Variants in PRKAR2A observed in about 807,000 individuals in gnomAD.
PRKAR2A encodes the protein protein kinase cAMP-dependent type II regulatory subunit alpha.
In PRKAR2A, 29 loss-of-function variants were observed where a neutral mutation model predicts 51.9. The ratio of observed to expected loss-of-function variants is 0.56; its 90% CI spans 0.42 to 0.76. PRKAR2A has a LOEUF of 0.76. Among genes scored for constraint, PRKAR2A ranks in the 30% least tolerant of loss-of-function variants. PRKAR2A has a pLI of 0.00. For synonymous variants in PRKAR2A, 178 were observed against 186.2 expected (o/e 0.96, Z 0.36); for missense variants, 445 against 512.1 (o/e 0.87, Z 1.26).
intron 5 of PRKAR2A, among the ~76,000 whole-genome samples, chr3:48,779,704 C>T (rs1014637722): frequency 5.3e-5 from 8 of 150,180 alleles, no homozygotes; most frequent in African/African-American, 2.0e-4. Flanking sequence ...CGCTTGAACC[C>T]GGGAGGCGGA....
chr3:48,745,607 C>T (rs1485256298), downstream of PRKAR2A, among the ~76,000 whole-genome samples: 2 of 139,810 alleles, frequency 1.4e-5, no homozygotes, highest in African/African-American at 2.7e-5. Context: ...GATGCAATCT[C>T]GGCTCACTGC....
In PRKAR2A at chr3:48,751,650, G is replaced by A. The variant is rs772954329; in HGVS notation, c.1150C>T (p.His384Tyr). 6.8e-6 allele frequency: 11 copies of A among 1,614,086 alleles called. No individual in the cohort carries two copies. In the South Asian group the frequency reaches 1.2e-4, roughly 18 times the overall value. The part of the protein sequence containing the change: ...CMDIMKRNIS[H>Y]YEEQLVKMFG... ...ATCTTCACCAGCTGTTCCTCATAGT[G>A]TGAGATGTTCCTCTTCATGATGTCC... is the stretch of plus-strand genomic sequence containing the variant. Residue 384 changes from histidine to tyrosine, a missense_variant, in exon 11 of 11, where the codon CAC (histidine) becomes TAC (tyrosine). Coordinates refer to ENST00000265563, the MANE Select transcript of PRKAR2A (RefSeq NM_004157.4).
At chr3:48,802,260 T>G (rs1384081659) in intron 2 of PRKAR2A, among the ~76,000 whole-genome samples, 1 of 152,086 alleles carries the variant, frequency 6.6e-6, no homozygotes, top group Non-Finnish European at 1.5e-5. Context: ...CAGGCTGATC[T>G]CAAACTCCCA....
chr3:48,774,485 G>A lies in PRKAR2A; in HGVS notation c.543-1377C>T, dbSNP rs141942539. On this transcript the variant is annotated intron_variant, in intron 5 of 10. Coordinates refer to ENST00000265563, the MANE Select transcript of PRKAR2A (RefSeq NM_004157.4). ...TTGAGACAATCCTGGGCAACGTATGGAGACTTCTCTCCACAAAAAGGAAAA... is the reference window on the plus strand; with the variant it reads ...TTGAGACAATCCTGGGCAACGTATGAAGACTTCTCTCCACAAAAAGGAAAA... 8.8e-4 allele frequency among the ~76,000 whole-genome samples: 134 copies of A among 151,818 alleles called. 2 individuals carry two copies. The East Asian group carries it at 0.025, about 28-fold the overall frequency.
chr3:48,791,924 A>T lies in PRKAR2A; in HGVS notation c.352-1297T>A, dbSNP rs1357629197. 3.3e-5 allele frequency among the ~76,000 whole-genome samples: 5 copies of T among 150,758 alleles called. No individual in the cohort carries two copies. In the East Asian group the frequency reaches 9.6e-4, roughly 29 times the overall value. The stretch of plus-strand genomic sequence containing the variant: ...GTCTCAAAAAAAAAAAAAAAAAAAA[A>T]AAAAAAAAGATAGTGTTAAATATTT... On this transcript the variant is annotated intron_variant, in intron 3 of 10. Coordinates refer to ENST00000265563, the MANE Select transcript of PRKAR2A (RefSeq NM_004157.4).
At chr3:48,804,043 G>A (rs1299569965) in intron 2 of PRKAR2A, among the ~76,000 whole-genome samples, 2 of 152,098 alleles carry the variant, frequency 1.3e-5, no homozygotes, top group African/African-American at 2.4e-5. Flanking sequence ...TAATAATCAT[G>A]AACTGAAAGT....
rs2082437133 is a variant in PRKAR2A, at chr3:48,794,002, G to A, written c.346C>T (p.Pro116Ser). 1 of 1,602,088 alleles carries A rather than the reference G, an allele frequency of 6.2e-7. No individual in the cohort carries two copies. Among genetic ancestry groups the A allele is most frequent in the Non-Finnish European group, 8.6e-7 (1 of 1,169,386 alleles). Residue 116 changes from proline (P) to serine (S), a missense_variant, in exon 3 of 11, where the codon CCA (proline) becomes TCA (serine). Pro to Ser is a moderately conservative substitution (Grantham distance 74). Coordinates refer to ENST00000265563, the MANE Select transcript of PRKAR2A (RefSeq NM_004157.4). ...ATCTTTGCTTTGGGTCTTACCCTTG[G>A]ATCTGTATCTTCCTCTTCCTCATCA... ...NPDEEEEDTD[P>S]RVIHPKTDEQ...
chr3:48,780,298 TTAGAG>T lies in PRKAR2A; in HGVS notation c.542+2683_542+2687del, dbSNP rs2082173314. Reference sequence around the variant, plus strand: ...TGTCATCTTTACCCTAAATCAGCATTTAGAGTAAAGAAAACATTTCCTTTGGACAG... The same window carrying T: ...TGTCATCTTTACCCTAAATCAGCATTTAAAGAAAACATTTCCTTTGGACAG... On this transcript the variant is annotated intron_variant, in intron 5 of 10. Transcript: ENST00000265563. Among the ~76,000 whole-genome samples, 3 of 151,696 alleles carry T rather than the reference TTAGAG, an allele frequency of 2.0e-5. No homozygotes were observed. The South Asian group carries it at 6.2e-4, about 32-fold the overall frequency.
At position 48,747,314 on chromosome 3, in the gene PRKAR2A, T is replaced by C. The variant is rs1013979956; in HGVS notation, c.*4271A>G. The C allele has an allele frequency of 1.3e-5, 2 of 152,192 alleles. No homozygotes were observed. Among genetic ancestry groups the C allele is most frequent in the South Asian group, 2.1e-4 (1 of 4,832 alleles). The allele number at this position is 152,192 out of a possible 1,614,324, so 9.4% of individuals were successfully genotyped here. ...TAAAAGATGACATTCATGGATCTTT[T>C]TATTTTTCTCTGTGCAAAATGCTCT... On this transcript the variant is annotated 3_prime_UTR_variant, in exon 11 of 11. Transcript: ENST00000265563.
chr3:48,764,194 ATTTATG>A (rs1161338445), intron 8 of PRKAR2A, among the ~76,000 whole-genome samples: 8 of 152,222 alleles, frequency 5.3e-5, no homozygotes, highest in African/African-American at 1.7e-4. Context: ...GTCCAATACT[ATTTATG>A]TTTAATTAAA....
Position 48,783,089 on chromosome 3 carries a change from G to C in PRKAR2A, c.439C>G (p.Gln147Glu). Residue 147 changes from glutamine (Q) to glutamate (E), a missense_variant, in exon 5 of 11, where the codon CAG becomes GAG. Gln to Glu is a conservative substitution (Grantham distance 29). Coordinates refer to ENST00000265563, the MANE Select transcript of PRKAR2A (RefSeq NM_004157.4). ...ILLFKNLDQE[Q>E]LSQVLDAMFE... The stretch of plus-strand genomic sequence containing the variant: ...ATGGCATCGAGAACTTGAGAAAGCT[G>C]TTCCTGCAGGGTATGCACAAGAAGA... 6.2e-7 allele frequency: 1 copy of C among 1,608,056 alleles called. No homozygotes were observed.
chr3:48,817,866 T>TA (rs896165608), intron 1 of PRKAR2A, among the ~76,000 whole-genome samples: 42 of 150,496 alleles, frequency 2.8e-4, no homozygotes, highest in South Asian at 6.3e-4. Context: ...ACATATCAAT[T>TA]AAAAAAAAAC....
intron 1 of PRKAR2A, among the ~76,000 whole-genome samples, chr3:48,828,345 C>T (rs924219392): frequency 6.6e-6 from 1 of 152,032 alleles, no homozygotes; most frequent in African/African-American, 2.4e-5. Flanking sequence ...ACTACAGACA[C>T]TCAGCTCTTC....
intron 4 of PRKAR2A, among the ~76,000 whole-genome samples, chr3:48,784,011 A>T (rs2082249178): frequency 6.6e-6 from 1 of 152,248 alleles, no homozygotes; most frequent in Non-Finnish European, 1.5e-5. Flanking sequence ...ATATATTATA[A>T]GACAGCTAAT....
intron 2 of PRKAR2A, among the ~76,000 whole-genome samples, chr3:48,805,526 C>T (rs913549415): frequency 4.6e-5 from 7 of 152,280 alleles, no homozygotes; most frequent in Admixed American, 3.9e-4. Flanking sequence ...TACCTATGGG[C>T]ATATGCTCAC....
chr3:48,828,708 C>CAAAAAAA (rs547132768), intron 1 of PRKAR2A, among the ~76,000 whole-genome samples: 1 of 83,474 alleles, frequency 1.2e-5, no homozygotes, highest in Non-Finnish European at 2.2e-5. Flanking sequence ...CCCCTGTCTC[C>CAAAAAAA]AAAAAAAAAA....
chr3:48,796,845 T>C (rs888886181), intron 2 of PRKAR2A, among the ~76,000 whole-genome samples: 2 of 152,014 alleles, frequency 1.3e-5, no homozygotes, highest in Non-Finnish European at 2.9e-5. Context: ...CTTATAATCT[T>C]ATCACACTCA....
chr3:48,762,620 GC>G (rs918787809), intron 8 of PRKAR2A, among the ~76,000 whole-genome samples: 1 of 151,986 alleles, frequency 6.6e-6, no homozygotes, highest in African/African-American at 2.4e-5. Context: ...GGGCAACAGG[GC>G]AAGACTGTAT....
intron 9 of PRKAR2A, among the ~76,000 whole-genome samples, chr3:48,752,808 C>A (rs2107191156): frequency 6.6e-6 from 1 of 152,086 alleles, no homozygotes; most frequent in Non-Finnish European, 1.5e-5. Flanking sequence ...AGCAATCCTC[C>A]CATCTTGGCC....
Sources: allele counts gnomAD v4.1 joint callset (sites outside exome capture counted in the v4.1 genomes callset), GRCh38; gene constraint gnomAD v4.1.1; transcripts MANE v1.5; gene names NCBI Gene and HGNC (gene_info 2026-07-23, HGNC 2026-07-21).